The following POR variants were observed in gnomAD, a reference collection of about 807,000 sequenced individuals.
The protein encoded by POR is cytochrome p450 oxidoreductase, also known as NADPH--cytochrome P450 reductase.
POR carries 56 observed loss-of-function variants against 84.0 expected under a neutral mutation model. The ratio of observed to expected loss-of-function variants is 0.67; its 90% confidence interval spans 0.54 to 0.83. POR has a LOEUF of 0.83. Among genes scored for constraint, POR ranks in the 40% least tolerant of loss-of-function variants. The pLI is 0.00. For missense variants in POR, 938 were observed against 944.3 expected, an observed-to-expected ratio of 0.99 and a Z score of 0.09; for synonymous variants, 414 against 400.5, an observed-to-expected ratio of 1.03 and a Z score of -0.40.
intron 1 of POR, among the ~76,000 whole-genome samples, chr7:75,936,378 G>A (rs1423726291): frequency 6.6e-6 from 1 of 151,896 alleles, no homozygotes; most frequent in Non-Finnish European, 1.5e-5. Flanking sequence ...AAAGTGCTGA[G>A]ATTATAGGCG....
intron 2 of POR, among the ~76,000 whole-genome samples, 190 bp from the exon 3 acceptor site, chr7:75,972,223 C>T (rs150153892): frequency 6.6e-6 from 1 of 151,934 alleles, no homozygotes; most frequent in African/African-American, 2.4e-5. Flanking sequence ...GGCCTGGGAG[C>T]CCTGGTGTTG....
At chr7:75,962,354 T>C (rs1431257921) in intron 2 of POR, among the ~76,000 whole-genome samples, 1 of 151,954 alleles carries the variant, frequency 6.6e-6, no homozygotes, top group Non-Finnish European at 1.5e-5. Flanking sequence ...AGTGCAGGGG[T>C]GTGATCAGGG....
Position 75,953,980 on chromosome 7 carries a change from T to G in POR, c.-4-9T>G. 1 of 1,568,698 alleles carries G rather than the reference T, an allele frequency of 6.4e-7. No individual in the cohort carries two copies. The highest frequency in any genetic ancestry group is 8.7e-7 in the Non-Finnish European group (1 of 1,155,228). On this transcript the variant is annotated splice_polypyrimidine_tract_variant and intron_variant, in intron 1 of 15. Coordinates refer to ENST00000461988, the MANE Select transcript of POR (RefSeq NM_000941.3). Reference sequence around the variant, plus strand: ...TCTGCTGACATCTGCTGTTTCTGTCTCCTAACAGTTTCATGATCAACATGG... The same window carrying G: ...TCTGCTGACATCTGCTGTTTCTGTCGCCTAACAGTTTCATGATCAACATGG...
intron 2 of POR, chr7:75,967,763 G>T (rs1181161210): frequency 3.5e-6 from 1 of 286,118 alleles, no homozygotes; most frequent in Non-Finnish European, 7.2e-6. Context: ...TCCATACAGA[G>T]GGAGGAGGGG....
At chr7:75,955,449 C>T (rs1469571459) in intron 2 of POR, among the ~76,000 whole-genome samples, 7 of 152,116 alleles carry the variant, frequency 4.6e-5, no homozygotes, top group East Asian at 3.9e-4. Flanking sequence ...TAGGGTCCTG[C>T]GGCCAGAATT....
intron 1 of POR, among the ~76,000 whole-genome samples, chr7:75,951,077 G>GA (rs201423030): frequency 8.8e-3 from 99 of 11,280 alleles, no homozygotes; most frequent in African/African-American, 0.04. Context: ...CCCCCCCCCC[G>GA]AAAAAAAAAA....
intron 1 of POR, among the ~76,000 whole-genome samples, chr7:75,941,488 T>C (rs1554551482): frequency 2.0e-5 from 3 of 152,152 alleles, no homozygotes; most frequent in African/African-American, 7.2e-5. Context: ...AACCAGAGCC[T>C]CCGGCATCTG....
chr7:75,971,036 A>C (rs1474381806), intron 2 of POR: 6 of 138,040 alleles, frequency 4.3e-5, no homozygotes, highest in Non-Finnish European at 9.4e-5. Flanking sequence ...ATCTCGGCTC[A>C]CTGCAACCTC....
chr7:75,978,426 A>T (rs1180763349), intron 3 of POR, among the ~76,000 whole-genome samples: 1 of 152,224 alleles, frequency 6.6e-6, no homozygotes, highest in East Asian at 1.9e-4. Flanking sequence ...ATTAATAAGT[A>T]ATCTAGAGAT....
At chr7:75,972,527 C>T (rs782599807) in intron 3 of POR, 66 bp downstream of exon 3, 3 of 1,435,608 alleles carry the variant, frequency 2.1e-6, no homozygotes, top group African/African-American at 2.8e-5. Context: ...GTAATCAAGT[C>T]TAGCAGACGG....
At chr7:75,968,814 C>G (rs1554555724) in intron 2 of POR, among the ~76,000 whole-genome samples, 1 of 152,262 alleles carries the variant, frequency 6.6e-6, no homozygotes, top group East Asian at 1.9e-4. Context: ...AGAGGCTCCC[C>G]TGTCCACTCC....
chr7:75,925,550 T>C (rs1054022614), intron 1 of POR, among the ~76,000 whole-genome samples: 5 of 152,130 alleles, frequency 3.3e-5, no homozygotes, highest in Non-Finnish European at 7.3e-5. Context: ...AAAGTGCTTT[T>C]CCCTGGGCCT....
At chr7:75,938,681 C>G (rs782524907) in intron 1 of POR, among the ~76,000 whole-genome samples, 24 of 152,156 alleles carry the variant, frequency 1.6e-4, no homozygotes, top group Non-Finnish European at 2.4e-4. Context: ...ATTGCTTGAG[C>G]CCAGGAGTTA....
chr7:75,980,721 A>C, intron 5 of POR: 1 of 1,509,666 alleles, frequency 6.6e-7, no homozygotes, highest in Non-Finnish European at 8.9e-7. Flanking sequence ...TGGAGACTAA[A>C]GGCAAGAAAG....
intron 9 of POR, 33 bp downstream of exon 9, chr7:75,983,669 C>CA: frequency 6.2e-7 from 1 of 1,607,844 alleles, no homozygotes. Flanking sequence ...CCTGAACCCT[C>CA]ACTCTGGGCC....
At chr7:75,948,116 C>T (rs1787259740) in intron 1 of POR, among the ~76,000 whole-genome samples, 2 of 152,130 alleles carry the variant, frequency 1.3e-5, no homozygotes, top group Admixed American at 6.6e-5. Context: ...AAGTAGAGGG[C>T]GGTGAGCACA....
chr7:75,939,417 C>T (rs1807853876), intron 1 of POR, among the ~76,000 whole-genome samples: 1 of 152,112 alleles, frequency 6.6e-6, no homozygotes, highest in Non-Finnish European at 1.5e-5. Context: ...GAGCCGTGGC[C>T]TGCAAGGCTT....
In POR at chr7:75,978,684, C is replaced by T. The variant is rs552468781; in HGVS notation, c.238-767C>T. 1.6e-3 allele frequency among the ~76,000 whole-genome samples: 245 copies of T among 152,210 alleles called. 3 individuals are homozygous for T. The highest frequency in any genetic ancestry group is 5.3e-3 in the African/African-American group (222 of 41,526). Reference sequence around the variant, plus strand: ...GATTACAGGCATGTGCCACCATGCCCGGCTAATTTTGTATTTTTAGTAGAG... The same window carrying T: ...GATTACAGGCATGTGCCACCATGCCTGGCTAATTTTGTATTTTTAGTAGAG... On this transcript the variant is annotated intron_variant, in intron 3 of 15. Transcript: ENST00000461988.
chr7:75,980,039 C>A (rs915397792), intron 4 of POR, among the ~76,000 whole-genome samples: 1 of 152,226 alleles, frequency 6.6e-6, no homozygotes, highest in African/African-American at 2.4e-5. Flanking sequence ...AGGGTGGCCC[C>A]AGACCTGCAT....
Sources: allele counts gnomAD v4.1 joint callset (sites outside exome capture counted in the v4.1 genomes callset), GRCh38; gene constraint gnomAD v4.1.1; transcripts MANE v1.5; gene names NCBI Gene and HGNC (gene_info 2026-07-23, HGNC 2026-07-21).